FRMD6: variants seen among roughly 807,000 people sequenced by gnomAD.
FRMD6 encodes FERM domain containing 6.
FRMD6 carries 37 observed loss-of-function variants against 73.2 expected under a neutral mutation model. The ratio of observed to expected loss-of-function variants is 0.51; its 90% CI spans 0.39 to 0.66. The LOEUF is 0.66. Among genes scored for constraint, FRMD6 ranks in the 30% least tolerant of loss-of-function variants. The pLI, the probability that FRMD6 is intolerant of heterozygous loss-of-function variation, is 0.00. For synonymous variants in FRMD6, 273 were observed against 282.2 expected (o/e 0.97, Z 0.33); for missense variants, 714 against 780.5 (o/e 0.91, Z 1.02).
At chr14:51,505,871 C>T (rs571870524) in intron 1 of FRMD6, among the ~76,000 whole-genome samples, 1 of 152,246 alleles carries the variant, frequency 6.6e-6, no homozygotes, top group Admixed American at 6.5e-5. Context: ...TTCACACAGC[C>T]AATTGCAAAT....
At chr14:51,538,860 T>C (rs1414813148) in intron 1 of FRMD6, among the ~76,000 whole-genome samples, 1 of 152,170 alleles carries the variant, frequency 6.6e-6, no homozygotes, top group African/African-American at 2.4e-5. Context: ...TAGGATCATC[T>C]TGTCTATTTT....
intron 1 of FRMD6, among the ~76,000 whole-genome samples, chr14:51,686,908 T>C (rs773580602): frequency 6.6e-6 from 1 of 152,186 alleles, no homozygotes; most frequent in Non-Finnish European, 1.5e-5. Flanking sequence ...TGCCATTTCA[T>C]TGGAGCCTTT....
At chr14:51,583,244 T>C (rs1200300532) in intron 2 of FRMD6, among the ~76,000 whole-genome samples, 2 of 152,142 alleles carry the variant, frequency 1.3e-5, no homozygotes, top group Non-Finnish European at 2.9e-5. Flanking sequence ...ACTAAAATGG[T>C]TTAAAGTTGC....
rs138365588 is a variant in FRMD6 at position 51,664,992 on chromosome 14, T to C, written c.-147+12996T>C. Among the ~76,000 whole-genome samples, 355 of 152,336 alleles carry C rather than the reference T, an allele frequency of 2.3e-3. 2 individuals are homozygous for C. The highest frequency in any genetic ancestry group is 4.3e-3 in the Non-Finnish European group (290 of 68,032). On this transcript the variant is annotated intron_variant, in intron 1 of 13. Coordinates refer to ENST00000344768, the MANE Select transcript of FRMD6 (RefSeq NM_001267046.2). ...TGAGCAAGTTTTGAAATAAATCTTA[T>C]GTCACTTGTCAGTGACTACAGAATA...
the FRMD6 span, among the ~76,000 whole-genome samples, chr14:51,400,777 G>A: frequency 6.6e-6 from 1 of 152,098 alleles, no homozygotes; most frequent in Admixed American, 6.6e-5. Context: ...CAGCATGCTG[G>A]GGCATTAGAC....
chr14:51,511,418 C>T (rs905718688), intron 1 of FRMD6, among the ~76,000 whole-genome samples: 2 of 152,270 alleles, frequency 1.3e-5, no homozygotes, highest in East Asian at 3.9e-4. Context: ...TAGGATAACC[C>T]ATTTCAAATT....
At chr14:51,588,421 C>T (rs1889181246) in intron 2 of FRMD6, among the ~76,000 whole-genome samples, 1 of 152,028 alleles carries the variant, frequency 6.6e-6, no homozygotes, top group Non-Finnish European at 1.5e-5. Flanking sequence ...ACAAAACTAG[C>T]AGAGAGAGAA....
intron 1 of FRMD6, among the ~76,000 whole-genome samples, chr14:51,656,434 G>A (rs1389497121): frequency 6.7e-6 from 1 of 148,418 alleles, no homozygotes; most frequent in Non-Finnish European, 1.5e-5. Context: ...TTTTTTCTGA[G>A]GCGGAGTCTC....
At chr14:51,559,472 CTT>C (rs368241546) in intron 1 of FRMD6, among the ~76,000 whole-genome samples, 7 of 145,710 alleles carry the variant, frequency 4.8e-5, no homozygotes, top group East Asian at 2.0e-4. Context: ...TTCCACGTTA[CTT>C]TTTTTTTTTT....
chr14:51,623,391 GC>G (rs1891002860), intron 2 of FRMD6, among the ~76,000 whole-genome samples: 1 of 152,160 alleles, frequency 6.6e-6, no homozygotes, highest in African/African-American at 2.4e-5. Flanking sequence ...GATCCTGAAT[GC>G]CACAGATCCA....
At chr14:51,435,732 G>A in the FRMD6 span, among the ~76,000 whole-genome samples, 97,477 of 151,946 alleles carry the variant, frequency 0.64, 31,465 homozygotes, top group South Asian at 0.69. Flanking sequence ...GTGTTCTATA[G>A]CACTGTGGGG....
intron 2 of FRMD6, among the ~76,000 whole-genome samples, chr14:51,597,483 G>T (rs1889783421): frequency 6.6e-6 from 1 of 152,118 alleles, no homozygotes; most frequent in African/African-American, 2.4e-5. Context: ...AGTGAGCAGA[G>T]GCCTAAGATG....
At chr14:51,475,330 G>A in the FRMD6 span, among the ~76,000 whole-genome samples, 1 of 152,166 alleles carries the variant, frequency 6.6e-6, no homozygotes, top group African/African-American at 2.4e-5. Flanking sequence ...ATTTTTCATG[G>A]TTCAATGAAG....
intron 2 of FRMD6, among the ~76,000 whole-genome samples, chr14:51,629,760 C>T (rs1481463972): frequency 6.6e-6 from 1 of 152,212 alleles, no homozygotes; most frequent in Admixed American, 6.5e-5. Flanking sequence ...GCCAGCTGGC[C>T]AGTTGCTACT....
At chr14:51,612,168 T>C (rs760258836) in intron 2 of FRMD6, among the ~76,000 whole-genome samples, 7 of 152,218 alleles carry the variant, frequency 4.6e-5, no homozygotes, top group African/African-American at 1.7e-4. Flanking sequence ...TTTAATCCTT[T>C]CATATGTCTA....
the FRMD6 span, among the ~76,000 whole-genome samples, chr14:51,434,104 G>A: frequency 9.9e-5 from 15 of 152,222 alleles, no homozygotes; most frequent in Middle Eastern, 3.4e-3. Context: ...AATAAGGAAG[G>A]GGGAGGAAGC....
At chr14:51,508,158 C>T (rs778242439) in intron 1 of FRMD6, among the ~76,000 whole-genome samples, 68 of 152,306 alleles carry the variant, frequency 4.5e-4, no homozygotes, top group Non-Finnish European at 9.3e-4. Flanking sequence ...CAGCCTGTCC[C>T]GTGCTCGCAG....
the FRMD6 span, among the ~76,000 whole-genome samples, chr14:51,468,930 G>T: frequency 6.6e-6 from 1 of 151,900 alleles, no homozygotes; most frequent in African/African-American, 2.4e-5. Context: ...TGGTTTTTTT[G>T]TTTGTTTGTT....
chr14:51,466,968 CT>C, the FRMD6 span, among the ~76,000 whole-genome samples: 2,622 of 146,960 alleles, frequency 0.018, 28 homozygotes, highest in Middle Eastern at 0.028. Flanking sequence ...AGATTTATTC[CT>C]TTTTTTTTTT....
Sources: gnomAD v4.1 joint callset for allele counts (sites outside exome capture counted in the v4.1 genomes callset) on GRCh38, gnomAD v4.1.1 for gene constraint, MANE v1.5 for transcripts, NCBI Gene and HGNC (gene_info 2026-07-23, HGNC 2026-07-21) for gene names.